Variants in DMD observed in about 807,000 individuals in gnomAD.
DMD encodes the protein mutant dystrophin.
In DMD, 63 loss-of-function variants were observed where a neutral mutation model predicts 330.1. That is an observed-to-expected ratio of 0.19 (90% CI 0.16 to 0.24). The LOEUF is 0.24. Among genes scored for constraint, DMD ranks in the 10% least tolerant of loss-of-function variants. The pLI is 1.00. For synonymous variants in DMD, 1,223 were observed against 959.8 expected (o/e 1.27, Z -5.07); for missense variants, 3,344 against 2,684.1 (o/e 1.25, Z -5.43).
At chrX:32,937,982 G>A (rs2090137311) in intron 2 of DMD, among the ~76,000 whole-genome samples, 1 of 111,129 alleles carries the variant, frequency 9.0e-6, no homozygotes, top group African/African-American at 3.3e-5. Context: ...TTCAACGTTG[G>A]ATACACATTA....
At chrX:31,640,051 T>C (rs73617090) in intron 54 of DMD, among the ~76,000 whole-genome samples, 2,979 of 111,752 alleles carry the variant, frequency 0.027, 105 homozygotes, top group African/African-American at 0.091. Flanking sequence ...ATTTTAAAAA[T>C]TGCTCTCTTC....
intron 1 of DMD, among the ~76,000 whole-genome samples, chrX:33,038,576 C>G (rs16990863): frequency 0.06 from 6,714 of 111,933 alleles, 488 homozygotes; most frequent in African/African-American, 0.21. Context: ...ATGGATGTTT[C>G]AAACCACCTG....
chrX:32,257,980 A>G (rs2097306105), intron 43 of DMD, among the ~76,000 whole-genome samples: 1 of 110,866 alleles, frequency 9.0e-6, no homozygotes, highest in Non-Finnish European at 1.9e-5. Flanking sequence ...AGAAAAAAAA[A>G]AACCCATCAG....
intron 62 of DMD, among the ~76,000 whole-genome samples, chrX:31,265,786 G>C (rs1301331098): frequency 2.5e-5 from 1 of 40,718 alleles, no homozygotes; most frequent in Non-Finnish European, 4.7e-5. Flanking sequence ...GGGGGTGTGG[G>C]GGGGGGGGGG....
intron 60 of DMD, among the ~76,000 whole-genome samples, chrX:31,435,319 T>C (rs954769325): frequency 8.9e-6 from 1 of 111,744 alleles, no homozygotes; most frequent in African/African-American, 3.2e-5. Context: ...ACTACATTGA[T>C]TGTCTGAATA....
chrX:32,915,308 T>G (rs1378573062), intron 2 of DMD, among the ~76,000 whole-genome samples: 1 of 111,619 alleles, frequency 9.0e-6, no homozygotes, highest in Non-Finnish European at 1.9e-5. Flanking sequence ...TTTAATATTT[T>G]GCTCATATGA....
At chrX:31,844,687 T>C (rs1206406747) in intron 48 of DMD, among the ~76,000 whole-genome samples, 4 of 111,770 alleles carry the variant, frequency 3.6e-5, no homozygotes, top group Non-Finnish European at 7.5e-5. Flanking sequence ...TTGTTTGTGT[T>C]ATCTATGGTT....
At chrX:32,616,352 G>A (rs1200390079) in intron 11 of DMD, among the ~76,000 whole-genome samples, 1 of 110,658 alleles carries the variant, frequency 9.0e-6, no homozygotes, top group Non-Finnish European at 1.9e-5. Flanking sequence ...ATAAGTTTTT[G>A]GAGTTTTTTC....
At chrX:32,530,343 G>T (rs953697110) in intron 17 of DMD, among the ~76,000 whole-genome samples, 5 of 112,103 alleles carry the variant, frequency 4.5e-5, no homozygotes, top group African/African-American at 1.6e-4. Flanking sequence ...TGATTGCAGT[G>T]AAGAGAATAA....
intron 30 of DMD, among the ~76,000 whole-genome samples, chrX:32,392,988 T>G (rs188013315): frequency 8.9e-6 from 1 of 112,130 alleles, no homozygotes; most frequent in East Asian, 2.8e-4. Flanking sequence ...TGGACTAAAA[T>G]CACATAAGAA....
rs189635833 is a variant in DMD, at chrX:31,941,941, A to T, written c.6615-9714T>A. On this transcript the variant is annotated intron_variant, in intron 45 of 78. Transcript: ENST00000357033. ...TTCATTCAATCCACCACTGGTGGGC[A>T]CCTAGGTTGATTCCATGTCTTTGTT... is the stretch of plus-strand genomic sequence containing the variant. Among the ~76,000 whole-genome samples, 533 of 111,662 alleles carry T rather than the reference A, an allele frequency of 4.8e-3. 2 individuals carry two copies. The highest frequency in any genetic ancestry group is 7.4e-3 in the Non-Finnish European group (392 of 53,106).
chrX:31,837,249 A>G (rs1180289131), intron 48 of DMD, among the ~76,000 whole-genome samples: 1 of 112,294 alleles, frequency 8.9e-6, no homozygotes, highest in Non-Finnish European at 1.9e-5. Flanking sequence ...TGAAATAAAT[A>G]TCAAATAATT....
chrX:32,734,825 A>G (rs775320505), intron 7 of DMD, among the ~76,000 whole-genome samples: 5,092 of 101,984 alleles, frequency 0.05, 385 homozygotes, highest in African/African-American at 0.17. Context: ...ATGGGCAAAA[A>G]CTGGAAGCAT....
chrX:31,541,427 G>A (rs1040876227), intron 55 of DMD, among the ~76,000 whole-genome samples: 23 of 108,806 alleles, frequency 2.1e-4, no homozygotes, highest in Non-Finnish European at 9.5e-5. Context: ...CCATGTTGGT[G>A]TGCTGCACCC....
At chrX:32,237,239 G>A (rs1435602248) in intron 43 of DMD, among the ~76,000 whole-genome samples, 2 of 110,383 alleles carry the variant, frequency 1.8e-5, no homozygotes, top group Non-Finnish European at 3.8e-5. Flanking sequence ...TGTGAGATAG[G>A]GATCTAATTC....
At chrX:32,679,902 CT>C (rs766270656) in intron 9 of DMD, among the ~76,000 whole-genome samples, 50 of 23,587 alleles carry the variant, frequency 2.1e-3, no homozygotes, top group African/African-American at 6.8e-3. Context: ...AATATTTGTA[CT>C]TTTTTTTTTT....
At chrX:32,527,642 T>C (rs1350413203) in intron 17 of DMD, among the ~76,000 whole-genome samples, 4 of 111,347 alleles carry the variant, frequency 3.6e-5, no homozygotes, top group African/African-American at 1.3e-4. Context: ...AAATAGATCT[T>C]ATAAAAATAT....
At chrX:32,867,514 T>A (rs1396673577) in intron 2 of DMD, among the ~76,000 whole-genome samples, 1 of 111,999 alleles carries the variant, frequency 8.9e-6, no homozygotes, top group East Asian at 2.8e-4. Flanking sequence ...ATAGGAAAAA[T>A]TAGTTATAAC....
At chrX:31,650,777 A>G (rs1182183034) in intron 54 of DMD, among the ~76,000 whole-genome samples, 1 of 112,123 alleles carries the variant, frequency 8.9e-6, no homozygotes, top group Non-Finnish European at 1.9e-5. Flanking sequence ...ATGCTTTTGG[A>G]AACATGTCAT....
Sources: gnomAD v4.1 joint callset for allele counts (sites outside exome capture counted in the v4.1 genomes callset) on GRCh38, gnomAD v4.1.1 for gene constraint, MANE v1.5 for transcripts, NCBI Gene and HGNC (gene_info 2026-07-23, HGNC 2026-07-21) for gene names.